The following CDH23 variants were observed in gnomAD, a reference collection of about 807,000 sequenced individuals.
CDH23 encodes cadherin related 23, also known as cadherin-23.
CDH23 carries 189 observed loss-of-function variants against 317.1 expected under a neutral mutation model. The ratio of observed to expected loss-of-function variants is 0.60; its 90% CI spans 0.53 to 0.67. The LOEUF (loss-of-function observed/expected upper bound fraction) is 0.67, where lower values mean the gene tolerates loss of function less well. CDH23 is among the 30% of genes least tolerant of loss of function. CDH23 has a pLI of 0.00. For missense variants in CDH23, 4,401 were observed against 4,592.4 expected, an observed-to-expected ratio of 0.96 and a Z score of 1.20; for synonymous variants, 1,839 against 1,876.8, an observed-to-expected ratio of 0.98 and a Z score of 0.52.
At chr10:71,543,412 T>C (rs555012488) in intron 6 of CDH23, among the ~76,000 whole-genome samples, 1 of 152,312 alleles carries the variant, frequency 6.6e-6, no homozygotes, top group South Asian at 2.1e-4. Context: ...ACAGATCAGA[T>C]GTCTGATGGT....
At chr10:71,442,335 A>T (rs1005559634) in intron 2 of CDH23, among the ~76,000 whole-genome samples, 5 of 152,130 alleles carry the variant, frequency 3.3e-5, no homozygotes, top group African/African-American at 1.2e-4. Context: ...CCTTTGGCCT[A>T]GTGGGGCAGT....
At chr10:71,403,379 C>CT (rs1361749159) in intron 1 of CDH23, among the ~76,000 whole-genome samples, 1 of 115,442 alleles carries the variant, frequency 8.7e-6, no homozygotes, top group African/African-American at 4.4e-5. Context: ...TTCTTTCTTT[C>CT]TTTCTTTCTT....
At chr10:71,554,364 A>ATTTT (rs71480584) in intron 6 of CDH23, among the ~76,000 whole-genome samples, 1 of 145,290 alleles carries the variant, frequency 6.9e-6, no homozygotes. Flanking sequence ...CACTGGACTA[A>ATTTT]TTTTTTTTTT....
chr10:71,420,659 C>A (rs187054472), intron 1 of CDH23, among the ~76,000 whole-genome samples: 3 of 151,466 alleles, frequency 2.0e-5, no homozygotes, highest in Non-Finnish European at 4.4e-5. Flanking sequence ...AGTTTGTATT[C>A]CAGAGATTTC....
intron 40 of CDH23, among the ~76,000 whole-genome samples, chr10:71,778,699 T>C (rs4747188): frequency 0.38 from 57,578 of 151,914 alleles, 11,044 homozygotes; most frequent in East Asian, 0.49. Flanking sequence ...GTGAGAGGAG[T>C]AAATGAAACC....
At chr10:71,686,140 C>T (rs374113220) in intron 18 of CDH23, among the ~76,000 whole-genome samples, 1 of 152,000 alleles carries the variant, frequency 6.6e-6, no homozygotes, top group Non-Finnish European at 1.5e-5. Context: ...TAGAGCGAGC[C>T]GCTGATTTAG....
At chr10:71,797,878 C>T (rs1248591271) in intron 49 of CDH23, among the ~76,000 whole-genome samples, 1 of 152,106 alleles carries the variant, frequency 6.6e-6, no homozygotes, top group African/African-American at 2.4e-5. Context: ...CCATGAGGTA[C>T]AGACAGCTGC....
chr10:71,763,113 C>T (rs1840438599), intron 38 of CDH23, among the ~76,000 whole-genome samples: 1 of 152,210 alleles, frequency 6.6e-6, no homozygotes, highest in Non-Finnish European at 1.5e-5. Flanking sequence ...GATGTGAGCT[C>T]TAATGCCCTC....
chr10:71,688,750 G>A (rs199747867), intron 19 of CDH23, among the ~76,000 whole-genome samples: 1 of 135,228 alleles, frequency 7.4e-6, no homozygotes, highest in Non-Finnish European at 1.6e-5. Context: ...GTGGAGCCAG[G>A]GGTGGTGGAG....
At chr10:71,557,952 CT>C (rs1856948669) in intron 6 of CDH23, among the ~76,000 whole-genome samples, 1 of 151,950 alleles carries the variant, frequency 6.6e-6, no homozygotes. Flanking sequence ...TCTTATGTTA[CT>C]TTTTGGATGA....
chr10:71,726,198 C>A (rs1866802127), intron 30 of CDH23, among the ~76,000 whole-genome samples: 1 of 152,110 alleles, frequency 6.6e-6, no homozygotes, highest in African/African-American at 2.4e-5. Flanking sequence ...TCACCCCCAC[C>A]CCTACACACT....
chr10:71,406,061 G>A (rs1848084683), intron 1 of CDH23, among the ~76,000 whole-genome samples: 1 of 150,456 alleles, frequency 6.6e-6, no homozygotes, highest in Admixed American at 6.6e-5. Context: ...TGTCGCCCAG[G>A]CTAGAGTGCA....
chr10:71,738,119 T>G (rs12218518), intron 34 of CDH23, among the ~76,000 whole-genome samples: 3,084 of 152,326 alleles, frequency 0.02, 214 homozygotes, highest in East Asian at 0.19. Flanking sequence ...TCTAGATTCC[T>G]TATTTTTCAT....
At chr10:71,738,757 TC>T (rs1173406471) in intron 35 of CDH23, 110 bp downstream of exon 35, 3 of 1,326,588 alleles carry the variant, frequency 2.3e-6, no homozygotes, top group East Asian at 2.5e-5. Context: ...ACCAGGTTCT[TC>T]CGGTCTCTGC....
At chr10:71,702,326 G>A in intron 23 of CDH23, 115 bp downstream of exon 23, 1 of 1,242,486 alleles carries the variant, frequency 8.0e-7, no homozygotes, top group Non-Finnish European at 1.1e-6. Context: ...TGATCACCAA[G>A]AGTAGAGTAA....
intron 2 of CDH23, among the ~76,000 whole-genome samples, chr10:71,442,774 A>C (rs1421338278): frequency 2.0e-5 from 3 of 152,086 alleles, no homozygotes; most frequent in Admixed American, 6.5e-5. Flanking sequence ...GCCTCTGACC[A>C]TGCGGCCACC....
Position 71,709,055 on chromosome 10 carries a change from A to G in CDH23, c.3107-43A>G, listed in dbSNP as rs550052324. 20 of 1,572,958 alleles carry G rather than the reference A, an allele frequency of 1.3e-5. No individual in the cohort carries two copies. The African/African-American group carries it at 1.3e-4, about 11-fold the overall frequency. On this transcript the variant is annotated intron_variant, in intron 26 of 69. Transcript: ENST00000224721. ...AGAGTCCCCGCTTCCCCTGGCCGGGAGCTCTGTTTCCCAGCCGGAAGCTTC... is the reference window on the plus strand; with the variant it reads ...AGAGTCCCCGCTTCCCCTGGCCGGGGGCTCTGTTTCCCAGCCGGAAGCTTC...
chr10:71,736,671 C>T (rs1351882576), intron 34 of CDH23, among the ~76,000 whole-genome samples: 1 of 152,226 alleles, frequency 6.6e-6, no homozygotes, highest in Non-Finnish European at 1.5e-5. Context: ...TCACCCCTGC[C>T]TTGCAGCCTC....
chr10:71,656,913 GC>G (rs1188815736), intron 14 of CDH23, among the ~76,000 whole-genome samples: 3 of 152,206 alleles, frequency 2.0e-5, no homozygotes, highest in Non-Finnish European at 4.4e-5. Context: ...TGGAGAATAG[GC>G]GGGGGGTAGG....
Sources: allele counts gnomAD v4.1 joint callset (sites outside exome capture counted in the v4.1 genomes callset), GRCh38; gene constraint gnomAD v4.1.1; transcripts MANE v1.5; gene names NCBI Gene and HGNC (gene_info 2026-07-23, HGNC 2026-07-21).